The following EPHA4 variants were observed in gnomAD, a reference collection of about 807,000 sequenced individuals.
The protein encoded by EPHA4 is EPH receptor A4, also known as ephrin type-A receptor 4.
Under a neutral mutation model 108.3 loss-of-function variants are expected in EPHA4, and 19 were observed. The observed-to-expected ratio is 0.18, with a 90% CI of 0.12 to 0.26. The LOEUF (loss-of-function observed/expected upper bound fraction) is 0.26, where lower values mean the gene tolerates loss of function less well. Ranked by LOEUF, EPHA4 falls within the 10% of genes least tolerant of loss-of-function variation. The pLI, the probability that EPHA4 is intolerant of heterozygous loss-of-function variation, is 1.00. For synonymous variants in EPHA4, 449 were observed against 455.5 expected (o/e 0.99, Z 0.18); for missense variants, 917 against 1,254.0 (o/e 0.73, Z 4.06).
chr2:221,436,319 C>G, intron 13 of EPHA4, 80 bp downstream of exon 13: 4 of 1,357,642 alleles, frequency 2.9e-6, no homozygotes, highest in Non-Finnish European at 4.1e-6. Context: ...AAAAAAATTA[C>G]AAAGGGCTTC....
Position 221,420,413 on chromosome 2 carries a change from G to T in EPHA4, c.*959C>A, listed in dbSNP as rs1450957761. The T allele has an allele frequency of 2.6e-5, 4 of 152,660 alleles. No homozygotes were observed. The allele number at this position is 152,660 out of a possible 1,614,324, so 9.5% of individuals were successfully genotyped here. Reference sequence around the variant, plus strand: ...TTCAGGTATGGGTGTTGTTTCATCAGTGTCTTTGCCCCAGAACTGGTGTAA... The same window carrying T: ...TTCAGGTATGGGTGTTGTTTCATCATTGTCTTTGCCCCAGAACTGGTGTAA... On this transcript the variant is annotated 3_prime_UTR_variant, in exon 18 of 18. Coordinates refer to ENST00000281821, the MANE Select transcript of EPHA4 (RefSeq NM_004438.5).
At chr2:221,507,556 C>T (rs973155406) in intron 3 of EPHA4, among the ~76,000 whole-genome samples, 1 of 151,866 alleles carries the variant, frequency 6.6e-6, no homozygotes, top group African/African-American at 2.4e-5. Context: ...AAGAATGATA[C>T]TGATTTTTTT....
intron 3 of EPHA4, among the ~76,000 whole-genome samples, chr2:221,547,608 G>A (rs1045996636): frequency 6.6e-6 from 1 of 152,176 alleles, no homozygotes; most frequent in Non-Finnish European, 1.5e-5. Context: ...ATTGGCAGGT[G>A]AATATCTGAA....
chr2:221,559,029 A>G (rs961538673), intron 3 of EPHA4, among the ~76,000 whole-genome samples: 1 of 147,920 alleles, frequency 6.8e-6, no homozygotes, highest in Non-Finnish European at 1.5e-5. Context: ...GTATAGTTGA[A>G]AAAAGAAATC....
intron 3 of EPHA4, among the ~76,000 whole-genome samples, chr2:221,513,957 C>G (rs938665340): frequency 1.3e-4 from 20 of 152,094 alleles, no homozygotes; most frequent in African/African-American, 4.8e-4. Flanking sequence ...ACAGAGAAGT[C>G]CCAGGGATGG....
rs368730521 is a variant in EPHA4 at position 221,442,813 on chromosome 2, G to C, written c.2074+16C>G. On this transcript the variant is annotated intron_variant, in intron 11 of 17. Transcript: ENST00000281821. ...TAACTTCTAGCTTGGCTTTGTAAAGGGGGTGACCCACGTACATTTAGTGAC... is the reference window on the plus strand; with the variant it reads ...TAACTTCTAGCTTGGCTTTGTAAAGCGGGTGACCCACGTACATTTAGTGAC... The C allele has an allele frequency of 3.7e-5, 60 of 1,613,350 alleles. No homozygotes were observed. The African/African-American group carries it at 5.9e-4, about 16-fold the overall frequency.
chr2:221,443,149 C>T, intron 10 of EPHA4, 135 bp from the exon 11 acceptor site: 3 of 889,690 alleles, frequency 3.4e-6, no homozygotes, highest in South Asian at 1.8e-5. Flanking sequence ...TCACAAAATC[C>T]TCCATGCAAC....
intron 13 of EPHA4, among the ~76,000 whole-genome samples, chr2:221,435,922 A>T (rs1194244185): frequency 7.2e-6 from 1 of 138,480 alleles, no homozygotes; most frequent in Non-Finnish European, 1.5e-5. Flanking sequence ...GCAAATACAA[A>T]ACCTAAAACA....
chr2:221,461,059 T>A (rs557029184), intron 5 of EPHA4, among the ~76,000 whole-genome samples: 1 of 152,344 alleles, frequency 6.6e-6, no homozygotes, highest in Admixed American at 6.5e-5. Flanking sequence ...CTGGACACTC[T>A]TACTTCTCCA....
At chr2:221,465,573 T>C (rs1691282703) in intron 5 of EPHA4, among the ~76,000 whole-genome samples, 1 of 152,198 alleles carries the variant, frequency 6.6e-6, no homozygotes, top group Non-Finnish European at 1.5e-5. Flanking sequence ...ACTACCTTCC[T>C]AGATTCCTTT....
At chr2:221,500,320 A>G (rs1316997627) in intron 4 of EPHA4, among the ~76,000 whole-genome samples, 1 of 152,160 alleles carries the variant, frequency 6.6e-6, no homozygotes, top group Non-Finnish European at 1.5e-5. Context: ...TCATGGGCCC[A>G]GTGCTCCCCA....
intron 3 of EPHA4, among the ~76,000 whole-genome samples, chr2:221,553,547 C>G (rs941564281): frequency 6.6e-6 from 1 of 152,214 alleles, no homozygotes; most frequent in African/African-American, 2.4e-5. Flanking sequence ...AAGGCCCAAT[C>G]TGGAGCCCTG....
chr2:221,514,088 CGG>C (rs200867792), intron 3 of EPHA4, among the ~76,000 whole-genome samples: 6 of 118,186 alleles, frequency 5.1e-5, no homozygotes, highest in Admixed American at 4.8e-4. Flanking sequence ...TCCTGTAAGC[CGG>C]GGGGAGGGGG....
intron 8 of EPHA4, among the ~76,000 whole-genome samples, chr2:221,450,184 G>A (rs767896609): frequency 9.9e-5 from 15 of 152,164 alleles, no homozygotes; most frequent in East Asian, 1.9e-4. Context: ...GGGCCCAGGC[G>A]GACCACCTGA....
intron 4 of EPHA4, among the ~76,000 whole-genome samples, chr2:221,493,902 A>C (rs1692228380): frequency 6.6e-6 from 1 of 152,212 alleles, no homozygotes; most frequent in Admixed American, 6.5e-5. Context: ...GAGCTCTCCT[A>C]GTATAAAATG....
chr2:221,436,607 T>C lies in EPHA4; in HGVS notation c.2138A>G (p.Lys713Arg). The C allele has an allele frequency of 6.2e-7, 1 of 1,614,048 alleles. No individual in the cohort carries two copies. The highest frequency in any genetic ancestry group is 1.3e-5 in the African/African-American group (1 of 75,052). The part of the protein sequence containing the change: ...ENGSLDAFLR[K>R]NDGRFTVIQL... ...AATGACTGTAAATCTGCCATCATTTTTCTGCATAGAAAAGGAGTGAGGAAC... is the reference window on the plus strand; with the variant it reads ...AATGACTGTAAATCTGCCATCATTTCTCTGCATAGAAAAGGAGTGAGGAAC... The change falls in exon 13 of 18, where the codon AAA becomes AGA. Residue 713 changes from lysine to arginine, a missense_variant and splice_region_variant. Physicochemically the swap from Lys to Arg is conservative, Grantham distance 26. Around this residue, in one of 3 missense-constraint regions of EPHA4, gnomAD observed 758 missense variants for 1,076.7 expected, o/e 0.70. Transcript: ENST00000281821.
At chr2:221,470,287 T>A (rs911781825) in intron 5 of EPHA4, among the ~76,000 whole-genome samples, 1 of 147,992 alleles carries the variant, frequency 6.8e-6, no homozygotes, top group African/African-American at 2.5e-5. Flanking sequence ...ACGGACAGTA[T>A]AAACTAGAAT....
Position 221,457,740 on chromosome 2 carries a change from G to T in EPHA4, c.1443+126C>A, listed in dbSNP as rs1691004620. 9 of 1,050,468 alleles carry T rather than the reference G, an allele frequency of 8.6e-6. No homozygotes were observed. The East Asian group carries it at 2.5e-4, about 29-fold the overall frequency. The allele number at this position is 1,050,468 out of a possible 1,614,324, so 65.1% of individuals were successfully genotyped here. ...GGGAGGGAGCAAAGGAGGATGGGAA[G>T]GAGTCGAGGAAAGAAGGAAGAAAAG... is the stretch of plus-strand genomic sequence containing the variant. On this transcript the variant is annotated intron_variant, in intron 6 of 17. Transcript: ENST00000281821.
Position 221,571,240 on chromosome 2 carries a change from C to CACACACACCACACAT in EPHA4, c.91+903_91+917dup, listed in dbSNP as rs369345849. On this transcript the variant is annotated intron_variant, in intron 1 of 17. Transcript: ENST00000281821. The surrounding 1 kb of genome is among the most constrained non-coding windows in gnomAD (Gnocchi z 6.3). ...ACATGCACACACACGCAGACATGCA[C>CACACACACCACACAT]ACACACACCACACATACACACACAC... Among the ~76,000 whole-genome samples the CACACACACCACACAT allele has an allele frequency of 6.1e-4, 88 of 144,012 alleles. No homozygotes were observed. The highest frequency in any genetic ancestry group is 3.5e-3 in the Middle Eastern group (1 of 286). The allele number at this position is 144,012 out of a possible 152,430, so 94.5% of individuals were successfully genotyped here.
Sources: gnomAD v4.1 joint callset for allele counts (sites outside exome capture counted in the v4.1 genomes callset) on GRCh38, gnomAD v4.1.1 for gene constraint, gnomAD v4.1.1 regional missense constraint, Gnocchi (gnomAD v3.1) non-coding constraint, MANE v1.5 for transcripts, NCBI Gene and HGNC (gene_info 2026-07-23, HGNC 2026-07-21) for gene names.